The following ZCCHC7 variants were observed in gnomAD, a reference collection of about 807,000 sequenced individuals.
The protein encoded by ZCCHC7 is zinc finger CCHC domain-containing protein 7.
In ZCCHC7, 35 loss-of-function variants were observed where a neutral mutation model predicts 52.0. That is an observed-to-expected ratio of 0.67 (90% CI 0.51 to 0.89). The LOEUF (loss-of-function observed/expected upper bound fraction) is 0.89. Among genes scored for constraint, ZCCHC7 ranks in the 40% least tolerant of loss-of-function variants. The probability of loss-of-function intolerance (pLI) is 0.00; values close to 1 mark genes in which losing one functional copy is unlikely to be tolerated. For missense variants in ZCCHC7, 574 were observed against 649.1 expected, an observed-to-expected ratio of 0.88 and a Z score of 1.26; for synonymous variants, 217 against 221.5, an observed-to-expected ratio of 0.98 and a Z score of 0.18.
intron 2 of ZCCHC7, among the ~76,000 whole-genome samples, chr9:37,145,270 T>C (rs973779439): frequency 5.3e-5 from 8 of 151,990 alleles, no homozygotes; most frequent in Non-Finnish European, 1.2e-4. Context: ...ATGTTGAAAA[T>C]TGGCAAAATT....
chr9:37,196,530 A>G (rs895736268), intron 2 of ZCCHC7, among the ~76,000 whole-genome samples: 2 of 152,182 alleles, frequency 1.3e-5, no homozygotes, highest in Non-Finnish European at 2.9e-5. Context: ...GGGACTTATT[A>G]TAGTAGAACC....
chr9:37,302,372 C>T, intron 3 of ZCCHC7, 141 bp downstream of exon 3: 1 of 665,528 alleles, frequency 1.5e-6, no homozygotes, highest in Non-Finnish European at 2.5e-6. Flanking sequence ...TTTAACTCTT[C>T]AGAAACTTGG....
chr9:37,159,013 A>G (rs1328129454), intron 2 of ZCCHC7, among the ~76,000 whole-genome samples: 1 of 151,212 alleles, frequency 6.6e-6, no homozygotes, highest in Non-Finnish European at 1.5e-5. Context: ...AAAAATACCA[A>G]GGTATTAAAT....
At chr9:37,126,290 T>C (rs772455695) in intron 1 of ZCCHC7, 22 bp from the exon 2 acceptor site, 41 of 1,574,532 alleles carry the variant, frequency 2.6e-5, no homozygotes, top group South Asian at 3.6e-5. Flanking sequence ...GTATATTCTG[T>C]GTACAACTTT....
intron 6 of ZCCHC7, among the ~76,000 whole-genome samples, chr9:37,331,408 T>A (rs530558665): frequency 6.6e-6 from 1 of 151,762 alleles, no homozygotes; most frequent in African/African-American, 2.4e-5. Flanking sequence ...TTTTTTGTGT[T>A]TTCACAGTTT....
At chr9:37,150,274 G>A (rs1820445727) in intron 2 of ZCCHC7, among the ~76,000 whole-genome samples, 1 of 152,152 alleles carries the variant, frequency 6.6e-6, no homozygotes, top group African/African-American at 2.4e-5. Context: ...GAATCCGTAA[G>A]GTTTAATATA....
At chr9:37,279,128 CT>C (rs1827824573) in intron 2 of ZCCHC7, among the ~76,000 whole-genome samples, 1 of 151,924 alleles carries the variant, frequency 6.6e-6, no homozygotes, top group Non-Finnish European at 1.5e-5. Context: ...AGTCAAACTC[CT>C]GTTTTCAAAA....
intron 2 of ZCCHC7, among the ~76,000 whole-genome samples, chr9:37,232,136 G>T (rs1047945072): frequency 2.6e-5 from 4 of 152,302 alleles, no homozygotes; most frequent in Admixed American, 1.3e-4. Context: ...GTGTTGATCA[G>T]ACGTGTACTA....
At chr9:37,323,002 C>T (rs1255068244) in intron 5 of ZCCHC7, among the ~76,000 whole-genome samples, 1 of 152,138 alleles carries the variant, frequency 6.6e-6, no homozygotes, top group Non-Finnish European at 1.5e-5. Context: ...GCTCTAAAGA[C>T]TTTATACTTA....
chr9:37,351,825 A>C (rs1052887859), intron 7 of ZCCHC7, among the ~76,000 whole-genome samples: 17 of 152,240 alleles, frequency 1.1e-4, no homozygotes, highest in Admixed American at 5.9e-4. Context: ...AATTAAAGAA[A>C]AACAATTATA....
chr9:37,227,132 A>G (rs1433483987), intron 2 of ZCCHC7, among the ~76,000 whole-genome samples: 4 of 152,092 alleles, frequency 2.6e-5, no homozygotes, highest in Non-Finnish European at 5.9e-5. Context: ...TAAAATTTGG[A>G]CTTAATCAAA....
At chr9:37,163,029 C>T (rs553062571) in intron 2 of ZCCHC7, among the ~76,000 whole-genome samples, 2 of 152,136 alleles carry the variant, frequency 1.3e-5, no homozygotes, top group Admixed American at 6.5e-5. Context: ...GGTGAAACCT[C>T]GTCTCTACTA....
At chr9:37,253,637 A>G (rs1260149564) in intron 2 of ZCCHC7, among the ~76,000 whole-genome samples, 3 of 152,038 alleles carry the variant, frequency 2.0e-5, no homozygotes, top group South Asian at 4.1e-4. Flanking sequence ...AAAAATTTAC[A>G]TTAAACTTCA....
At chr9:37,150,134 G>T (rs1820439922) in intron 2 of ZCCHC7, among the ~76,000 whole-genome samples, 1 of 152,194 alleles carries the variant, frequency 6.6e-6, no homozygotes, top group African/African-American at 2.4e-5. Flanking sequence ...GGGATTCTCT[G>T]TTGGGCTCTT....
At chr9:37,240,478 T>A (rs1354953301) in intron 2 of ZCCHC7, among the ~76,000 whole-genome samples, 1 of 151,980 alleles carries the variant, frequency 6.6e-6, no homozygotes. Flanking sequence ...ATTTTACTTA[T>A]ACCTATTAAT....
intron 2 of ZCCHC7, among the ~76,000 whole-genome samples, chr9:37,298,780 C>T (rs999932190): frequency 2.0e-5 from 3 of 152,210 alleles, no homozygotes; most frequent in African/African-American, 7.2e-5. Flanking sequence ...AGTTACACCT[C>T]ATTAGTTTCC....
At position 37,339,004 on chromosome 9, in the gene ZCCHC7, A is replaced by G. The variant is rs553499527; in HGVS notation, c.988-10353A>G. Among the ~76,000 whole-genome samples the G allele has an allele frequency of 1.4e-3, 215 of 152,298 alleles. 1 individual carries two copies. The highest frequency in any genetic ancestry group is 2.3e-3 in the Non-Finnish European group (158 of 68,010). ...CAAAAATCTGCCTAATTAAGGAATT[A>G]CCCAATGGATTGGGAGTCTGTTGGG... On this transcript the variant is annotated intron_variant, in intron 6 of 8. Transcript: ENST00000336755.
Position 37,126,722 on chromosome 9 carries a change from TAAG to T in ZCCHC7, c.393_395del (p.Lys132del), listed in dbSNP as rs746662067. The T allele has an allele frequency of 4.3e-6, 7 of 1,613,956 alleles. No homozygotes were observed. The highest frequency in any genetic ancestry group is 4.2e-6 in the Non-Finnish European group (5 of 1,180,018). ...CTCTTCAATCTAATGAGCTGGTTGA[TAAG>T]AAATGCAAGAGTGATATTGAGAAGC... On this transcript the variant is annotated inframe_deletion, in exon 2 of 9. Coordinates refer to ENST00000336755, the MANE Select transcript of ZCCHC7 (RefSeq NM_032226.3).
intron 2 of ZCCHC7, among the ~76,000 whole-genome samples, chr9:37,195,164 C>T (rs907829616): frequency 6.6e-6 from 1 of 151,982 alleles, no homozygotes; most frequent in Non-Finnish European, 1.5e-5. Context: ...CAAGGCTGGT[C>T]TTGAACTCCT....
Sources: allele counts gnomAD v4.1 joint callset (sites outside exome capture counted in the v4.1 genomes callset), GRCh38; gene constraint gnomAD v4.1.1; transcripts MANE v1.5; gene names NCBI Gene and HGNC (gene_info 2026-07-23, HGNC 2026-07-21).